PRMT1: variants seen among roughly 807,000 people sequenced by gnomAD.
PRMT1 encodes protein arginine methyltransferase 1.
PRMT1 carries 5 observed loss-of-function variants against 47.4 expected under a neutral mutation model. That is an observed-to-expected ratio of 0.11 (90% CI 0.06 to 0.22). PRMT1 has a LOEUF of 0.22. Among genes scored for constraint, PRMT1 ranks in the 10% least tolerant of loss-of-function variants. The pLI is 1.00. For synonymous variants in PRMT1, 227 were observed against 204.6 expected, an observed-to-expected ratio of 1.11 and a Z score of -0.94; for missense variants, 249 against 518.4, an observed-to-expected ratio of 0.48 and a Z score of 5.05.
chr19:49,684,616 T>C lies in PRMT1; in HGVS notation c.556-138T>C. The C allele has an allele frequency of 9.8e-7, 1 of 1,024,006 alleles. No homozygotes were observed. Among genetic ancestry groups the C allele is most frequent in the Non-Finnish European group, 1.4e-6 (1 of 701,910 alleles). The allele number at this position is 1,024,006 out of a possible 1,614,324, so 63.4% of individuals were successfully genotyped here. ...TGCCCTCTGGCGGCCGTGTGGGAAATAGACCAGGGGGCGAGGGGTGAGTGC... is the reference window on the plus strand; with the variant it reads ...TGCCCTCTGGCGGCCGTGTGGGAAACAGACCAGGGGGCGAGGGGTGAGTGC... On this transcript the variant is annotated intron_variant, in intron 6 of 10. Transcript: ENST00000454376. This position sits in a 1 kb window ranked among gnomAD's most constrained non-coding sequence, Gnocchi z 6.2.
rs1445778019 is a variant in PRMT1 at position 49,681,029 on chromosome 19, T to C, written c.192+441T>C. ...TCCCCCTGAGGCCTTTTTCATAAAA[T>C]TGTGGCAAAATATGCATAAAATTGC... On this transcript the variant is annotated intron_variant, in intron 3 of 10. Transcript: ENST00000454376. The surrounding 1 kb of genome is among the most constrained non-coding windows in gnomAD (Gnocchi z 4.4). Among the ~76,000 whole-genome samples, 1 of 152,186 alleles carries C rather than the reference T, an allele frequency of 6.6e-6. No individual in the cohort carries two copies. The highest frequency in any genetic ancestry group is 1.5e-5 in the Non-Finnish European group (1 of 68,024).
At chr19:49,686,459 G>T in intron 9 of PRMT1, 146 bp from the exon 10 acceptor site, 1 of 1,185,468 alleles carries the variant, frequency 8.4e-7, no homozygotes, top group Non-Finnish European at 1.2e-6. Flanking sequence ...CACGGTCCCT[G>T]TCTCCAAAGC....
chr19:49,682,714 A>G (rs1017422949), intron 5 of PRMT1, among the ~76,000 whole-genome samples: 1 of 151,654 alleles, frequency 6.6e-6, no homozygotes, highest in Non-Finnish European at 1.5e-5. Context: ...ATGTCGTTTA[A>G]CACTTTCCAG....
In PRMT1 at chr19:49,688,396, A is replaced by T. The variant is rs1045893753; in HGVS notation, c.*151A>T. 1 of 687,750 alleles carries T rather than the reference A, an allele frequency of 1.5e-6. No individual in the cohort carries two copies. The highest frequency in any genetic ancestry group is 1.8e-5 in the African/African-American group (1 of 55,726). 42.6% of individuals were successfully genotyped at this position (687,750 alleles called of 1,614,324 possible). A position where few individuals can be genotyped will look rare whatever the true frequency, so the allele number is the denominator to read the frequency against. The stretch of plus-strand genomic sequence containing the variant: ...AGGGCACATCGTGACTGTGTTTTTC[A>T]TAACTTATGTTTTTATATGGTTGCA... On this transcript the variant is annotated 3_prime_UTR_variant, in exon 11 of 11. Coordinates refer to ENST00000454376, the MANE Select transcript of PRMT1 (RefSeq NM_001536.6). This position sits in a 1 kb window ranked among gnomAD's most constrained non-coding sequence, Gnocchi z 5.3.
rs1455838751 is a variant in PRMT1, at chr19:49,681,933, C to T, written c.216C>T (p.Arg72=). The change falls in exon 4 of 11, where the codon CGC becomes CGT. Residue 72 remains arginine, a synonymous_variant. Transcript: ENST00000454376. The surrounding 1 kb of genome is among the most constrained non-coding windows in gnomAD (Gnocchi z 4.4). The part of the protein sequence containing the change: ...IHEEMLKDEV[R]TLTYRNSMFH... ...AGGAGATGCTGAAGGACGAGGTGCG[C>T]ACCCTCACTTACCGCAACTCCATGT... 6 of 1,614,024 alleles carry T rather than the reference C, an allele frequency of 3.7e-6. No homozygotes were observed. The highest frequency in any genetic ancestry group is 1.7e-5 in the Admixed American group (1 of 60,002).
chr19:49,676,182 C>G (rs1040139071), upstream of PRMT1: 1 of 152,196 alleles, frequency 6.6e-6, no homozygotes, highest in South Asian at 2.1e-4. Flanking sequence ...AGGCGTTTGC[C>G]AGCGGCACGC....
In PRMT1 at chr19:49,684,620, C is replaced by T. The variant is rs2082176971; in HGVS notation, c.556-134C>T. 3 of 1,060,836 alleles carry T rather than the reference C, an allele frequency of 2.8e-6. No homozygotes were observed. Among genetic ancestry groups the T allele is most frequent in the Non-Finnish European group, 2.7e-6 (2 of 730,444 alleles). 65.7% of individuals were successfully genotyped at this position (1,060,836 alleles called of 1,614,324 possible). On this transcript the variant is annotated intron_variant, in intron 6 of 10. Transcript: ENST00000454376. The surrounding 1 kb of genome is among the most constrained non-coding windows in gnomAD (Gnocchi z 6.2). ...CTCTGGCGGCCGTGTGGGAAATAGA[C>T]CAGGGGGCGAGGGGTGAGTGCCGCT...
In PRMT1 at chr19:49,681,248, C is replaced by G. The variant is rs2082114411; in HGVS notation, c.192+660C>G. Among the ~76,000 whole-genome samples the G allele has an allele frequency of 6.6e-6, 1 of 152,090 alleles. No homozygotes were observed. The highest frequency in any genetic ancestry group is 1.5e-5 in the Non-Finnish European group (1 of 68,022). ...TATTTTTCTGTAGAGATAATCTTGC[C>G]TTGTTGCCCAGGCTGGTCTCAAACT... On this transcript the variant is annotated intron_variant, in intron 3 of 10. Transcript: ENST00000454376. This position sits in a 1 kb window ranked among gnomAD's most constrained non-coding sequence, Gnocchi z 4.4.
At position 49,682,070 on chromosome 19, in the gene PRMT1, G is replaced by A. The variant is rs1568486466; in HGVS notation, c.348+5G>A. The A allele has an allele frequency of 6.2e-7, 1 of 1,614,052 alleles. No individual in the cohort carries two copies. Among genetic ancestry groups the A allele is most frequent in the Non-Finnish European group, 8.5e-7 (1 of 1,179,954 alleles). On this transcript the variant is annotated splice_donor_5th_base_variant and intron_variant, in intron 4 of 10. Transcript: ENST00000454376. Reference sequence around the variant, plus strand: ...GGGGCCCGCAAGGTCATCGGGGTGAGTCTCCAGGGTGGCCAGGCGGGGCCG... The same window carrying A: ...GGGGCCCGCAAGGTCATCGGGGTGAATCTCCAGGGTGGCCAGGCGGGGCCG...
Position 49,685,425 on chromosome 19 carries a change from A to G in PRMT1, c.759+388A>G, listed in dbSNP as rs2082190401. 2.5e-6 allele frequency: 3 copies of G among 1,188,588 alleles called. No homozygotes were observed. In the Admixed American group the frequency reaches 1.2e-4, roughly 48 times the overall value. The allele number at this position is 1,188,588 out of a possible 1,614,324, so 73.6% of individuals were successfully genotyped here. ...GAGGTCCCAGCTACTCGGGAGGATC[A>G]CTTGGGCCTGGGAGTTCAAGGCTGC... On this transcript the variant is annotated intron_variant, in intron 8 of 10. Coordinates refer to ENST00000454376, the MANE Select transcript of PRMT1 (RefSeq NM_001536.6). This position sits in a 1 kb window ranked among gnomAD's most constrained non-coding sequence, Gnocchi z 4.7.
Position 49,682,088 on chromosome 19 carries a change from C to T in PRMT1, c.348+23C>T, listed in dbSNP as rs200816831. 1,220 of 1,613,398 alleles carry T rather than the reference C, an allele frequency of 7.6e-4. 1 individual carries two copies. The highest frequency in any genetic ancestry group is 1.2e-3 in the South Asian group (107 of 91,028). Reference sequence around the variant, plus strand: ...GGGGTGAGTCTCCAGGGTGGCCAGGCGGGGCCGGGCCTGAGGGATGGAGGG... The same window carrying T: ...GGGGTGAGTCTCCAGGGTGGCCAGGTGGGGCCGGGCCTGAGGGATGGAGGG... On this transcript the variant is annotated intron_variant, in intron 4 of 10. Transcript: ENST00000454376.
upstream of PRMT1, chr19:49,677,139 A>AC: frequency 2.8e-6 from 2 of 708,960 alleles, no homozygotes; most frequent in Non-Finnish European, 4.1e-6. Flanking sequence ...GTATTCTCAG[A>AC]CGGGCCGCCT....
chr19:49,688,101 A>ACCC lies in PRMT1; in HGVS notation c.1033-60_1033-58dup, dbSNP rs376856815. On this transcript the variant is annotated intron_variant, in intron 10 of 10. Coordinates refer to ENST00000454376, the MANE Select transcript of PRMT1 (RefSeq NM_001536.6). The surrounding 1 kb of genome is among the most constrained non-coding windows in gnomAD (Gnocchi z 5.3). ...GCTCATCGTCGCATAGCCTGCCTGC[A>ACCC]CCCGCCCCCCGCCACCACCTCCTGG... The ACCC allele has an allele frequency of 1.9e-4, 271 of 1,444,642 alleles. 2 individuals carry two copies. The African/African-American group carries it at 3.6e-3, about 19-fold the overall frequency. 89.5% of individuals were successfully genotyped at this position (1,444,642 alleles called of 1,614,324 possible).
In PRMT1 at chr19:49,682,196, A is replaced by G. The variant is rs780543812; in HGVS notation, c.349A>G (p.Ile117Val). Reference protein sequence around the residue: ...AKAGARKVIGIECSSISDYAV... With the variant: ...AKAGARKVIGVECSSISDYAV... ...CCCTCCCTTCTTCCTGGGCCCTCAG[A>G]TCGAGTGTTCCAGTATCTCTGATTA... The change falls in exon 5 of 11, where the codon ATC (isoleucine) becomes GTC (valine). Residue 117 changes from isoleucine to valine, a missense_variant and splice_region_variant. Around this residue, in one of 2 missense-constraint regions of PRMT1, gnomAD observed 190 missense variants for 456.7 expected, o/e 0.42. Transcript: ENST00000454376. 1.9e-6 allele frequency: 3 copies of G among 1,614,154 alleles called. No individual in the cohort carries two copies. The Admixed American group carries it at 5.0e-5, about 27-fold the overall frequency.
At chr19:49,683,353 G>A (rs1228662152) in intron 5 of PRMT1, among the ~76,000 whole-genome samples, 1 of 152,058 alleles carries the variant, frequency 6.6e-6, no homozygotes, top group African/African-American at 2.4e-5. Flanking sequence ...TTTTGAGAAT[G>A]TGATCATGCT....
At position 49,685,901 on chromosome 19, in the gene PRMT1, A is replaced by G; in HGVS notation, c.760-192A>G. On this transcript the variant is annotated intron_variant, in intron 8 of 10. Transcript: ENST00000454376. This position sits in a 1 kb window ranked among gnomAD's most constrained non-coding sequence, Gnocchi z 4.7. ...GAGGGAGCAAGGAATCTGGGCTCGA[A>G]CCCACATGGTTTATTGGGAGCCGGA... is the stretch of plus-strand genomic sequence containing the variant. 1 of 1,415,018 alleles carries G rather than the reference A, an allele frequency of 7.1e-7. No homozygotes were observed. The highest frequency in any genetic ancestry group is 3.0e-5 in the Admixed American group (1 of 32,802). The allele number at this position is 1,415,018 out of a possible 1,614,324, so 87.7% of individuals were successfully genotyped here.
chr19:49,686,697 A>G lies in PRMT1; in HGVS notation c.1003A>G (p.Ile335Val), dbSNP rs2082210847. ...VKTGEEIFGT[I>V]GMRPNAKNNR... ...GACGGGCGAGGAGATCTTCGGCACC[A>G]TCGGCATGCGGCCCAACGCCAAGAA... Residue 335 changes from isoleucine to valine, a missense_variant, in exon 10 of 11, where the codon ATC becomes GTC. By Grantham distance (29) the Ile-to-Val change is conservative. Coordinates refer to ENST00000454376, the MANE Select transcript of PRMT1 (RefSeq NM_001536.6). The G allele has an allele frequency of 5.0e-6, 8 of 1,610,612 alleles. No homozygotes were observed. Among genetic ancestry groups the G allele is most frequent in the Non-Finnish European group, 6.8e-6 (8 of 1,178,436 alleles).
intron 10 of PRMT1, 60 bp downstream of exon 10, chr19:49,686,786 G>C (rs1463712832): frequency 2.8e-5 from 30 of 1,058,600 alleles, no homozygotes; most frequent in South Asian, 7.0e-5. Flanking sequence ...GTAGATTGGG[G>C]GGGGAGTGGT....
At chr19:49,677,214 C>G (rs1188432790), upstream of PRMT1, 1 of 1,363,766 alleles carries the variant, frequency 7.3e-7, no homozygotes, top group South Asian at 1.8e-5. Flanking sequence ...TGGTATAAGG[C>G]GGTCCCGGGG....
Sources: allele counts gnomAD v4.1 joint callset (sites outside exome capture counted in the v4.1 genomes callset), GRCh38; gene constraint gnomAD v4.1.1; regional missense constraint gnomAD v4.1.1; non-coding constraint Gnocchi (gnomAD v3.1); transcripts MANE v1.5; gene names NCBI Gene and HGNC (gene_info 2026-07-23, HGNC 2026-07-21).